The following DGKB variants were observed in gnomAD, a reference collection of about 807,000 sequenced individuals.
The protein encoded by DGKB is diacylglycerol kinase beta.
A neutral mutation model predicts 114.3 loss-of-function variants in DGKB; 67 were observed. The ratio of observed to expected loss-of-function variants is 0.59; its 90% CI spans 0.48 to 0.72. The LOEUF (loss-of-function observed/expected upper bound fraction) is 0.72, where lower values mean the gene tolerates loss of function less well. DGKB is among the 30% of genes least tolerant of loss of function. The pLI is 0.00. For synonymous variants in DGKB, 398 were observed against 323.1 expected, an observed-to-expected ratio of 1.23 and a Z score of -2.49; for missense variants, 907 against 975.2, an observed-to-expected ratio of 0.93 and a Z score of 0.93.
chr7:14,640,465 T>C (rs1395669778), intron 13 of DGKB, among the ~76,000 whole-genome samples: 1 of 152,008 alleles, frequency 6.6e-6, no homozygotes, highest in Non-Finnish European at 1.5e-5. Context: ...TCTTCCAGGG[T>C]TTGGGTTTCC....
At chr7:14,202,161 T>C (rs1785994634) in intron 23 of DGKB, among the ~76,000 whole-genome samples, 1 of 152,086 alleles carries the variant, frequency 6.6e-6, no homozygotes, top group African/African-American at 2.4e-5. Flanking sequence ...TCCCATTCTT[T>C]TTTATGATTT....
intron 23 of DGKB, among the ~76,000 whole-genome samples, chr7:14,194,290 A>G (rs1218275678): frequency 6.6e-6 from 1 of 152,200 alleles, no homozygotes; most frequent in East Asian, 1.9e-4. Context: ...AATATATTGA[A>G]TCGACCTAAG....
intron 23 of DGKB, among the ~76,000 whole-genome samples, chr7:14,331,620 A>G: frequency 6.6e-6 from 1 of 152,152 alleles, no homozygotes; most frequent in Middle Eastern, 3.2e-3. Flanking sequence ...TATAATGTAA[A>G]GCACACATAG....
chr7:14,483,298 G>A (rs1049258769), intron 20 of DGKB, among the ~76,000 whole-genome samples: 3 of 152,070 alleles, frequency 2.0e-5, no homozygotes, highest in Admixed American at 6.6e-5. Flanking sequence ...TTTTGCCACT[G>A]TATTTTGAAA....
chr7:14,622,033 G>A (rs1376427570), intron 14 of DGKB, among the ~76,000 whole-genome samples: 2 of 151,954 alleles, frequency 1.3e-5, no homozygotes, highest in African/African-American at 2.4e-5. Flanking sequence ...CCTGCTCCCT[G>A]TTTCTATTTC....
chr7:14,662,135 GCATGGCACATGT>G (rs1232017452), intron 13 of DGKB, among the ~76,000 whole-genome samples: 1 of 151,870 alleles, frequency 6.6e-6, no homozygotes, highest in Non-Finnish European at 1.5e-5. Flanking sequence ...CAGCGCACCA[GCATGGCACATGT>G]ATACATATGT....
At position 14,707,372 on chromosome 7, in the gene DGKB, G is replaced by A. The variant is rs891928782; in HGVS notation, c.467-5642C>T. ...TCCAGGGCCAGATGGATTCACAGCC[G>A]AATTCTACCAGAGGTACAAGGAGGA... On this transcript the variant is annotated intron_variant, in intron 6 of 25. Transcript: ENST00000402815. 6.7e-5 allele frequency among the ~76,000 whole-genome samples: 10 copies of A among 148,634 alleles called. 1 individual carries two copies. The highest frequency in any genetic ancestry group is 1.0e-4 in the Non-Finnish European group (7 of 67,192).
At chr7:14,932,568 C>T (rs1785077838) in intron 1 of DGKB, among the ~76,000 whole-genome samples, 1 of 152,082 alleles carries the variant, frequency 6.6e-6, no homozygotes, top group Non-Finnish European at 1.5e-5. Flanking sequence ...TACTTTATGC[C>T]ACCCCTATGG....
chr7:14,892,952 ATG>A (rs963871523), intron 1 of DGKB, among the ~76,000 whole-genome samples: 16 of 140,230 alleles, frequency 1.1e-4, no homozygotes, highest in South Asian at 8.5e-4. Flanking sequence ...ACACACACAT[ATG>A]TGTGTGTATA....
intron 19 of DGKB, among the ~76,000 whole-genome samples, chr7:14,574,754 A>G (rs780067137): frequency 2.4e-4 from 37 of 152,192 alleles, no homozygotes; most frequent in Non-Finnish European, 4.4e-4. Flanking sequence ...CCCAGCTGCT[A>G]AAGTCAGAAA....
chr7:14,640,734 A>G (rs1811615034), intron 13 of DGKB, among the ~76,000 whole-genome samples: 2 of 152,202 alleles, frequency 1.3e-5, no homozygotes, highest in Non-Finnish European at 2.9e-5. Flanking sequence ...CCAGGTTTCA[A>G]GTAAAAGTTG....
At chr7:14,720,473 T>TTGTGTGTGTGTGTG (rs61654464) in intron 5 of DGKB, among the ~76,000 whole-genome samples, 171 of 136,548 alleles carry the variant, frequency 1.3e-3, no homozygotes, top group African/African-American at 4.0e-3. Context: ...CCCGGCTGAT[T>TTGTGTGTGTGTGTG]TGTGTGTGTG....
intron 16 of DGKB, among the ~76,000 whole-genome samples, chr7:14,611,332 C>G (rs1364058559): frequency 6.6e-6 from 1 of 152,140 alleles, no homozygotes; most frequent in Non-Finnish European, 1.5e-5. Context: ...TTGGATTCAA[C>G]TAGGCATTGC....
At chr7:14,162,331 C>G (rs1187038373) in intron 25 of DGKB, among the ~76,000 whole-genome samples, 1 of 152,130 alleles carries the variant, frequency 6.6e-6, no homozygotes, top group Non-Finnish European at 1.5e-5. Flanking sequence ...TTTGCACATT[C>G]CAGAGGAAGA....
At chr7:14,272,750 A>AT (rs1798448586) in intron 23 of DGKB, among the ~76,000 whole-genome samples, 1 of 152,190 alleles carries the variant, frequency 6.6e-6, no homozygotes, top group Non-Finnish European at 1.5e-5. Context: ...CTTAATGCAT[A>AT]TTGTTGGTTT....
chr7:14,585,843 T>C (rs943079553), intron 17 of DGKB, among the ~76,000 whole-genome samples: 1 of 152,126 alleles, frequency 6.6e-6, no homozygotes, highest in Non-Finnish European at 1.5e-5. Context: ...TCAGTTATTA[T>C]AGTAATTGCT....
intron 20 of DGKB, among the ~76,000 whole-genome samples, chr7:14,555,312 T>G (rs984092237): frequency 6.6e-6 from 1 of 152,196 alleles, no homozygotes; most frequent in Non-Finnish European, 1.5e-5. Context: ...ATTCTATTAA[T>G]CTATTTTTGT....
chr7:14,476,912 G>A (rs192127191), intron 21 of DGKB, among the ~76,000 whole-genome samples: 369 of 151,778 alleles, frequency 2.4e-3, no homozygotes, highest in African/African-American at 7.8e-3. Context: ...CCACCACCAC[G>A]CCCTCATTTT....
chr7:14,390,879 G>T (rs1025515599), intron 21 of DGKB, among the ~76,000 whole-genome samples: 3 of 152,162 alleles, frequency 2.0e-5, no homozygotes, highest in Non-Finnish European at 2.9e-5. Context: ...TACTCATTTA[G>T]GAATGAAAGT....
Sources: allele counts gnomAD v4.1 joint callset (sites outside exome capture counted in the v4.1 genomes callset), GRCh38; gene constraint gnomAD v4.1.1; transcripts MANE v1.5; gene names NCBI Gene and HGNC (gene_info 2026-07-23, HGNC 2026-07-21).